Variants in ACACA observed in about 807,000 individuals in gnomAD.
The protein encoded by ACACA is acetyl-CoA carboxylase 1.
In ACACA, 103 loss-of-function variants were observed where a neutral mutation model predicts 296.1. The observed-to-expected ratio is 0.35, with a 90% confidence interval of 0.30 to 0.41. ACACA has a LOEUF of 0.41. Among genes scored for constraint, ACACA ranks in the 10% least tolerant of loss-of-function variants. ACACA has a pLI of 1.00. For synonymous variants in ACACA, 953 were observed against 1,038.6 expected, an observed-to-expected ratio of 0.92 and a Z score of 1.58; for missense variants, 1,554 against 2,989.7, an observed-to-expected ratio of 0.52 and a Z score of 11.20.
rs541183544 is a variant in ACACA, at chr17:37,236,518, C to G, written c.3122-1419G>C. Among the ~76,000 whole-genome samples the G allele has an allele frequency of 3.4e-4, 52 of 151,194 alleles. 3 individuals are homozygous for G. In the South Asian group the frequency reaches 0.011, roughly 32 times the overall value. On this transcript the variant is annotated intron_variant, in intron 24 of 55. Coordinates refer to ENST00000616317, the MANE Select transcript of ACACA (RefSeq NM_198834.3). Reference sequence around the variant, plus strand: ...ACTTTGAAGATCCTGCATACCAAGACACTCTTTTTTAAAAACACTTAATTG... The same window carrying G: ...ACTTTGAAGATCCTGCATACCAAGAGACTCTTTTTTAAAAACACTTAATTG...
intron 45 of ACACA, among the ~76,000 whole-genome samples, chr17:37,138,667 T>G (rs2075431437): frequency 6.6e-6 from 1 of 152,228 alleles, no homozygotes; most frequent in Non-Finnish European, 1.5e-5. Context: ...CCCAAAGTTG[T>G]AAGAGTACAA....
At chr17:37,400,387 TG>T (rs1346963251) in intron 1 of ACACA, among the ~76,000 whole-genome samples, 1 of 152,192 alleles carries the variant, frequency 6.6e-6, no homozygotes, top group Non-Finnish European at 1.5e-5. Flanking sequence ...CCCAAAGTGC[TG>T]GGATTACAGG....
intron 1 of ACACA, among the ~76,000 whole-genome samples, chr17:37,340,126 G>C (rs829168): frequency 0.22 from 33,978 of 152,004 alleles, 4,120 homozygotes; most frequent in Admixed American, 0.35. Flanking sequence ...TTGTATACTC[G>C]ATGAATACAT....
chr17:37,325,412 C>T (rs2047563191), intron 3 of ACACA, among the ~76,000 whole-genome samples: 2 of 150,598 alleles, frequency 1.3e-5, no homozygotes, highest in Non-Finnish European at 3.0e-5. Context: ...CTTAAATGTT[C>T]AATTGAATAC....
intron 22 of ACACA, among the ~76,000 whole-genome samples, 174 bp downstream of exon 22, chr17:37,243,197 C>T (rs1199163238): frequency 6.6e-6 from 1 of 152,160 alleles, no homozygotes; most frequent in Non-Finnish European, 1.5e-5. Flanking sequence ...CCTTCACATA[C>T]AGTACTTTCA....
chr17:37,114,757 C>G (rs2074159589), intron 50 of ACACA, among the ~76,000 whole-genome samples: 2 of 152,210 alleles, frequency 1.3e-5, no homozygotes, highest in East Asian at 3.9e-4. Context: ...TTCAGTGGAG[C>G]CACAATGGAT....
rs560788936 is a variant in ACACA at position 37,225,955 on chromosome 17, T to C, written c.3360+384A>G. ...TATCTTTCTGCTTTCCACACTTGAT[T>C]ATTTCCTGTACACTTGGAAGTTTTC... On this transcript the variant is annotated intron_variant, in intron 26 of 55. Transcript: ENST00000616317. 2.0e-5 allele frequency among the ~76,000 whole-genome samples: 3 copies of C among 152,314 alleles called. No homozygotes were observed. In the South Asian group the frequency reaches 6.2e-4, roughly 32 times the overall value.
chr17:37,113,257 C>T lies in ACACA; in HGVS notation c.6283G>A (p.Asp2095Asn). ...GFSGGMKDMYDQVLKFGAYIV... is the reference protein window; with the variant it reads ...GFSGGMKDMYNQVLKFGAYIV... ...TAAGCACCAAACTTCAGCACTTGGT[C>T]GTACATATCTATGGAGAATGAGACA... is the stretch of plus-strand genomic sequence containing the variant. Residue 2095 changes from aspartate to asparagine, a missense_variant, in exon 51 of 56, where the codon GAC becomes AAC. Around this residue, in one of 16 missense-constraint regions of ACACA, gnomAD observed 553 missense variants for 1,043.6 expected, o/e 0.53. Transcript: ENST00000616317. This position sits in a 1 kb window ranked among gnomAD's most constrained non-coding sequence, Gnocchi z 4.0. 2 of 1,614,062 alleles carry T rather than the reference C, an allele frequency of 1.2e-6. No individual in the cohort carries two copies. Among genetic ancestry groups the T allele is most frequent in the Non-Finnish European group, 1.7e-6 (2 of 1,179,966 alleles).
At position 37,243,453 on chromosome 17, in the gene ACACA, T is replaced by A; in HGVS notation, c.2849A>T (p.Asn950Ile). 6.2e-7 allele frequency: 1 copy of A among 1,614,018 alleles called. No homozygotes were observed. Among genetic ancestry groups the A allele is most frequent in the Non-Finnish European group, 8.5e-7 (1 of 1,179,940 alleles). Reference sequence around the variant, plus strand: ...TTCCTTCTTGATAGACTTCTCCACATTGGGGGGAATGCGGCCAGACACACT... The same window carrying A: ...TTCCTTCTTGATAGACTTCTCCACAATGGGGGGAATGCGGCCAGACACACT... ...MTSVSGRIPP[N>I]VEKSIKKEMA... is the part of the protein sequence containing the mutation. Residue 950 changes from asparagine to isoleucine, a missense_variant, in exon 22 of 56, where the codon AAT (asparagine) becomes ATT (isoleucine). This residue lies in a region of ACACA where 316 missense variants were observed against 540.9 expected (regional missense o/e 0.58). Transcript: ENST00000616317.
At chr17:37,320,491 A>C (rs1329772906) in intron 3 of ACACA, among the ~76,000 whole-genome samples, 1 of 151,842 alleles carries the variant, frequency 6.6e-6, no homozygotes, top group Non-Finnish European at 1.5e-5. Context: ...AGCCTGGGCG[A>C]CAGAGCGAGA....
chr17:37,096,895 C>T lies in ACACA; in HGVS notation c.6891+101G>A, dbSNP rs964979302. 1.8e-5 allele frequency: 25 copies of T among 1,394,398 alleles called. No homozygotes were observed. The African/African-American group carries it at 3.0e-4, about 17-fold the overall frequency. 86.4% of individuals were successfully genotyped at this position (1,394,398 alleles called of 1,614,324 possible). A position where few individuals can be genotyped will look rare whatever the true frequency, so the allele number is the denominator to read the frequency against. ...GGATCTCTATGTTTCCCTTCTACTCCTGCCCTTAGAGGCCTGTGGACTCTT... is the reference window on the plus strand; with the variant it reads ...GGATCTCTATGTTTCCCTTCTACTCTTGCCCTTAGAGGCCTGTGGACTCTT... On this transcript the variant is annotated intron_variant, in intron 54 of 55. Coordinates refer to ENST00000616317, the MANE Select transcript of ACACA (RefSeq NM_198834.3).
chr17:37,289,507 T>C, intron 3 of ACACA: 2 of 1,351,840 alleles, frequency 1.5e-6, no homozygotes, highest in Non-Finnish European at 2.0e-6. Context: ...CTCCACTTCA[T>C]ATCCCACGAG....
At chr17:37,143,724 C>A in intron 45 of ACACA, 1 of 901,414 alleles carries the variant, frequency 1.1e-6, no homozygotes, top group Admixed American at 1.8e-5. Flanking sequence ...TCCTCATCCT[C>A]TTCATCTTCC....
chr17:37,406,283 A>G lies in ACACA; in HGVS notation c.17T>C (p.Leu6Pro), dbSNP rs760315416. The change falls in exon 1 of 56, where the codon CTG becomes CCG. Residue 6 changes from leucine to proline, a missense_variant. This residue lies in a region of ACACA where 140 missense variants were observed against 147.7 expected (regional missense o/e 0.95). Coordinates refer to ENST00000616317, the MANE Select transcript of ACACA (RefSeq NM_198834.3). ...ATACCTAGCCCTCAAGATTGACATC[A>G]GAGTAGACCACCACATCCTCTCATC... MWWST[L>P]MSILRARSFW... 3 of 1,614,210 alleles carry G rather than the reference A, an allele frequency of 1.9e-6. No homozygotes were observed.
chr17:37,219,643 T>G (rs2079189239), intron 29 of ACACA, among the ~76,000 whole-genome samples: 3 of 150,448 alleles, frequency 2.0e-5, no homozygotes, highest in Admixed American at 2.0e-4. Flanking sequence ...CAAAAACATT[T>G]GGGGGAAAAA....
At chr17:37,240,662 A>C in intron 23 of ACACA, 98 bp from the exon 24 acceptor site, 1 of 886,880 alleles carries the variant, frequency 1.1e-6, no homozygotes, top group Non-Finnish European at 1.8e-6. Flanking sequence ...ATTCCACTGA[A>C]CTGCTTTCCC....
chr17:37,393,627 G>C (rs1043860533), intron 1 of ACACA, among the ~76,000 whole-genome samples: 1 of 152,086 alleles, frequency 6.6e-6, no homozygotes, highest in Non-Finnish European at 1.5e-5. Context: ...CAGATGGCTT[G>C]AGGCCAGGAG....
intron 3 of ACACA, chr17:37,328,574 C>G (rs769578801): frequency 4.1e-6 from 1 of 245,442 alleles, no homozygotes; most frequent in Non-Finnish European, 7.7e-6. Flanking sequence ...TGACCACTAA[C>G]GAACACTGCC....
At chr17:37,101,626 T>G (rs1178488686) in intron 52 of ACACA, among the ~76,000 whole-genome samples, 1 of 152,202 alleles carries the variant, frequency 6.6e-6, no homozygotes, top group East Asian at 1.9e-4. Flanking sequence ...GACACGTGCT[T>G]CAGTAGTAGT....
Sources: allele counts gnomAD v4.1 joint callset (sites outside exome capture counted in the v4.1 genomes callset), GRCh38; gene constraint gnomAD v4.1.1; regional missense constraint gnomAD v4.1.1; non-coding constraint Gnocchi (gnomAD v3.1); transcripts MANE v1.5; gene names NCBI Gene and HGNC (gene_info 2026-07-23, HGNC 2026-07-21).